DYNC1H1: variants seen among roughly 807,000 people sequenced by gnomAD.
DYNC1H1 encodes dynein cytoplasmic 1 heavy chain 1.
DYNC1H1 carries 51 observed loss-of-function variants against 527.1 expected under a neutral mutation model. That is an observed-to-expected ratio of 0.10 (90% CI 0.08 to 0.12). The LOEUF (loss-of-function observed/expected upper bound fraction) is 0.12. Among genes scored for constraint, DYNC1H1 ranks in the 10% least tolerant of loss-of-function variants. The pLI is 1.00. For synonymous variants in DYNC1H1, 2,189 were observed against 2,278.8 expected (o/e 0.96, Z 1.12); for missense variants, 2,771 against 5,971.8 (o/e 0.46, Z 17.66).
At chr14:101,988,940 G>A in intron 10 of DYNC1H1, 88 bp downstream of exon 10, 2 of 1,553,584 alleles carry the variant, frequency 1.3e-6, no homozygotes, top group Middle Eastern at 2.0e-4. Flanking sequence ...GTCACTTAGT[G>A]TGGACACCTG....
chr14:101,979,849 G>T lies in DYNC1H1; in HGVS notation c.649G>T (p.Ala217Ser). The T allele has an allele frequency of 6.2e-7, 1 of 1,614,188 alleles. No homozygotes were observed. Among genetic ancestry groups the T allele is most frequent in the Non-Finnish European group, 8.5e-7 (1 of 1,180,036 alleles). ...LPIHPMITNV[A>S]KQCYERGEKP... ...GATTCATCCAATGATCACAAATGTT[G>T]CAAAACAGTGTTATGAGCGTGGAGA... Residue 217 changes from alanine to serine, a missense_variant, in exon 4 of 78, where the codon GCA (alanine) becomes TCA (serine). Ala to Ser is a moderately conservative substitution (Grantham distance 99). This residue lies in a region of DYNC1H1 where 146 missense variants were observed against 288.1 expected (regional missense o/e 0.51). Coordinates refer to ENST00000360184, the MANE Select transcript of DYNC1H1 (RefSeq NM_001376.5). The surrounding 1 kb of genome is among the most constrained non-coding windows in gnomAD (Gnocchi z 4.6).
chr14:101,993,459 C>T (rs916653462), intron 11 of DYNC1H1, among the ~76,000 whole-genome samples: 33 of 152,222 alleles, frequency 2.2e-4, no homozygotes, highest in Non-Finnish European at 2.9e-4. Context: ...TTGCTGGGCC[C>T]GTGTAATGTG....
chr14:101,968,132 G>GT (rs1382531614), intron 1 of DYNC1H1, among the ~76,000 whole-genome samples: 14 of 152,158 alleles, frequency 9.2e-5, no homozygotes, highest in Non-Finnish European at 1.3e-4. Flanking sequence ...GTTCGGTGGG[G>GT]TATGCTTCAG....
At position 101,988,688 on chromosome 14, in the gene DYNC1H1, T is replaced by G. The variant is rs748772899; in HGVS notation, c.2719-15T>G. On this transcript the variant is annotated splice_polypyrimidine_tract_variant and intron_variant, in intron 9 of 77. Transcript: ENST00000360184. ...TTAGAAGAAACACTGTTCTCTGATA[T>G]AACGTTGTCTGTAGATTGAAAGAAT... 1 of 1,614,058 alleles carries G rather than the reference T, an allele frequency of 6.2e-7. No individual in the cohort carries two copies. Among genetic ancestry groups the G allele is most frequent in the Non-Finnish European group, 8.5e-7 (1 of 1,180,030 alleles).
chr14:102,046,430 C>G (rs2048719943), intron 72 of DYNC1H1, among the ~76,000 whole-genome samples: 1 of 151,174 alleles, frequency 6.6e-6, no homozygotes, highest in South Asian at 2.1e-4. Context: ...GCCAGGCGAG[C>G]TGGGCGGGTC....
chr14:102,024,916 G>A (rs1378882363), intron 43 of DYNC1H1, among the ~76,000 whole-genome samples: 34 of 151,260 alleles, frequency 2.2e-4, no homozygotes, highest in South Asian at 2.1e-4. Context: ...GGATGGTCTC[G>A]ATCTCCTGAC....
At chr14:101,991,382 T>G in intron 10 of DYNC1H1, 145 bp from the exon 11 acceptor site, 1 of 928,156 alleles carries the variant, frequency 1.1e-6, no homozygotes, top group Non-Finnish European at 1.7e-6. Context: ...TTAGAATTGC[T>G]TGAACCCGGG....
chr14:102,013,500 A>C (rs2048283683), intron 34 of DYNC1H1, among the ~76,000 whole-genome samples: 1 of 146,550 alleles, frequency 6.8e-6, no homozygotes, highest in South Asian at 2.2e-4. Context: ...ACACAGCAGG[A>C]GTAGCAGGTC....
In DYNC1H1 at chr14:102,017,812, AAAAC is replaced by A; in HGVS notation, c.8177+312_8177+315del. 2.5e-6 allele frequency: 1 copy of A among 401,712 alleles called. No individual in the cohort carries two copies. The highest frequency in any genetic ancestry group is 2.4e-5 in the African/African-American group (1 of 42,220). 24.9% of individuals were successfully genotyped at this position (401,712 alleles called of 1,614,324 possible). A position where few individuals can be genotyped will look rare whatever the true frequency, so the allele number is the denominator to read the frequency against. ...AAACCTCGTCTCTACTGAAAATACAAAAACAAAATTAAGGCCGGGCGTGGTGGCT... is the reference window on the plus strand; with the variant it reads ...AAACCTCGTCTCTACTGAAAATACAAAAAATTAAGGCCGGGCGTGGTGGCT... On this transcript the variant is annotated intron_variant, in intron 40 of 77. Coordinates refer to ENST00000360184, the MANE Select transcript of DYNC1H1 (RefSeq NM_001376.5). This position sits in a 1 kb window ranked among gnomAD's most constrained non-coding sequence, Gnocchi z 4.6.
At chr14:101,990,662 C>G (rs1020562601) in intron 10 of DYNC1H1, among the ~76,000 whole-genome samples, 1 of 151,982 alleles carries the variant, frequency 6.6e-6, no homozygotes, top group Non-Finnish European at 1.5e-5. Flanking sequence ...ATCGCTTGAG[C>G]TCTGAAGTTT....
chr14:101,987,914 C>T (rs890133954), intron 9 of DYNC1H1, among the ~76,000 whole-genome samples: 1 of 152,104 alleles, frequency 6.6e-6, no homozygotes, highest in Non-Finnish European at 1.5e-5. Context: ...CCTGTCTCTA[C>T]TATAAATACA....
chr14:101,991,750 GCTT>G (rs2141278715), intron 11 of DYNC1H1, 77 bp downstream of exon 11: 2 of 1,585,882 alleles, frequency 1.3e-6, no homozygotes. Flanking sequence ...TCTTCATGGT[GCTT>G]CTTTAGATAA....
rs764246991 is a variant in DYNC1H1, at chr14:102,015,134, G to A, written c.7044G>A (p.Leu2348=). ...GAATAATGTTTGAGGTACAGGACTT[G>A]AAATACGCGACCTTGGCCACAGTGT... is the stretch of plus-strand genomic sequence containing the variant. ...NVRIMFEVQD[L]KYATLATVSR... is the part of the protein sequence containing the mutation. Residue 2348 remains leucine, a synonymous_variant, in exon 35 of 78, where the codon TTG becomes TTA. Transcript: ENST00000360184. This position sits in a 1 kb window ranked among gnomAD's most constrained non-coding sequence, Gnocchi z 6.9. The A allele has an allele frequency of 6.2e-7, 1 of 1,614,112 alleles. No homozygotes were observed. The highest frequency in any genetic ancestry group is 1.3e-5 in the African/African-American group (1 of 74,942).
rs1322232582 is a variant in DYNC1H1, at chr14:102,049,433, G to A, written c.13373-7G>A. ...GACACCCTGGGCTCTGTGTGCCTTG[G>A]CTGCAGGGATCTTGCCTCGGAGCTG... On this transcript the variant is annotated splice_region_variant and splice_polypyrimidine_tract_variant and intron_variant, in intron 74 of 77. Transcript: ENST00000360184. This position sits in a 1 kb window ranked among gnomAD's most constrained non-coding sequence, Gnocchi z 5.5. 2.5e-6 allele frequency: 4 copies of A among 1,613,834 alleles called. No homozygotes were observed. In the African/African-American group the frequency reaches 5.3e-5, roughly 22 times the overall value.
At chr14:102,035,548 G>A (rs1222790289) in intron 56 of DYNC1H1, 1 of 152,234 alleles carries the variant, frequency 6.6e-6, no homozygotes, top group East Asian at 1.9e-4. Flanking sequence ...ACAGTAGCCT[G>A]GCCTAGGTAC....
Position 101,997,273 on chromosome 14 carries a change from C to A in DYNC1H1, c.3803C>A (p.Thr1268Lys), listed in dbSNP as rs751865408. 1 of 1,614,124 alleles carries A rather than the reference C, an allele frequency of 6.2e-7. No individual in the cohort carries two copies. Among genetic ancestry groups the A allele is most frequent in the Non-Finnish European group, 8.5e-7 (1 of 1,180,030 alleles). Residue 1268 changes from threonine (T) to lysine (K), a missense_variant and splice_region_variant, in exon 16 of 78, where the codon ACG (threonine) becomes AAG (lysine). Around this residue, in one of 32 missense-constraint regions of DYNC1H1, gnomAD observed 223 missense variants for 462.5 expected, o/e 0.48. Coordinates refer to ENST00000360184, the MANE Select transcript of DYNC1H1 (RefSeq NM_001376.5). This position sits in a 1 kb window ranked among gnomAD's most constrained non-coding sequence, Gnocchi z 4.8. ...LTDWEKTKPV[T>K]GNLRPEEALQ... is the part of the protein sequence containing the mutation. ...GACTGGGAGAAGACCAAGCCTGTCA[C>A]GGTGAGTCCCGCCAGGTGGGGACGC...
intron 5 of DYNC1H1, among the ~76,000 whole-genome samples, chr14:101,981,041 A>C (rs189224424): frequency 4.1e-4 from 62 of 152,138 alleles, no homozygotes; most frequent in African/African-American, 1.4e-3. Context: ...GCCAAAATGA[A>C]TTTAGTTTTC....
rs574462328 is a variant in DYNC1H1 at position 102,014,171 on chromosome 14, G to A, written c.7015-934G>A. Among the ~76,000 whole-genome samples the A allele has an allele frequency of 2.5e-3, 379 of 152,230 alleles. 1 individual carries two copies. The highest frequency in any genetic ancestry group is 6.5e-3 in the Admixed American group (99 of 15,278). On this transcript the variant is annotated intron_variant, in intron 34 of 77. Transcript: ENST00000360184. ...CTCCGAGGTTAAGGCTCTGGAGTCCGACCACCTGCTTTGAATCTCAACCAC... is the reference window on the plus strand; with the variant it reads ...CTCCGAGGTTAAGGCTCTGGAGTCCAACCACCTGCTTTGAATCTCAACCAC...
intron 15 of DYNC1H1, among the ~76,000 whole-genome samples, chr14:101,995,949 A>G (rs2048056361): frequency 6.6e-6 from 1 of 151,824 alleles, no homozygotes; most frequent in Admixed American, 6.6e-5. Context: ...CTGTAGTCCC[A>G]GCTACTCGGG....
Sources: gnomAD v4.1 joint callset for allele counts (sites outside exome capture counted in the v4.1 genomes callset) on GRCh38, gnomAD v4.1.1 for gene constraint, gnomAD v4.1.1 regional missense constraint, Gnocchi (gnomAD v3.1) non-coding constraint, MANE v1.5 for transcripts, NCBI Gene and HGNC (gene_info 2026-07-23, HGNC 2026-07-21) for gene names.